RAPGEF3: variants seen among roughly 807,000 people sequenced by gnomAD.
RAPGEF3 encodes Rap guanine nucleotide exchange factor 3, also known as 9330170P05Rik.
RAPGEF3 carries 103 observed loss-of-function variants against 129.8 expected under a neutral mutation model. The observed-to-expected ratio is 0.79, with a 90% CI of 0.68 to 0.93. RAPGEF3 has a LOEUF of 0.93. Ranked by LOEUF, RAPGEF3 falls within the 40% of genes least tolerant of loss-of-function variation. The pLI is 0.00. For synonymous variants in RAPGEF3, 436 were observed against 482.6 expected (o/e 0.90, Z 1.26); for missense variants, 1,117 against 1,207.4 (o/e 0.93, Z 1.11).
chr12:47,748,176 G>A (rs760816770), intron 12 of RAPGEF3, 24 bp from the exon 13 acceptor site: 4 of 1,537,456 alleles, frequency 2.6e-6, no homozygotes, highest in Non-Finnish European at 3.5e-6. Flanking sequence ...TGAGGGGATG[G>A]GAGGAGGCTT....
At chr12:47,741,656 C>T in intron 18 of RAPGEF3, 54 bp from the exon 19 acceptor site, 1 of 1,438,512 alleles carries the variant, frequency 7.0e-7, no homozygotes, top group Middle Eastern at 1.8e-4. Context: ...GGCCGGGGAC[C>T]AGCTGGATGC....
chr12:47,743,921 G>A (rs1053551158), intron 17 of RAPGEF3, 66 bp downstream of exon 17: 21 of 1,502,566 alleles, frequency 1.4e-5, no homozygotes, highest in Admixed American at 3.4e-5. Flanking sequence ...ACGACAGCAG[G>A]ACAAGAGAGG....
chr12:47,738,174 C>A lies in RAPGEF3; in HGVS notation c.2581+19G>T. 6.2e-7 allele frequency: 1 copy of A among 1,613,794 alleles called. No homozygotes were observed. The highest frequency in any genetic ancestry group is 2.2e-5 in the East Asian group (1 of 44,868). On this transcript the variant is annotated intron_variant, in intron 26 of 27. Transcript: ENST00000449771. ...ATGTAGGGTGGGGGACCTCCCACCC[C>A]GGGGACCCGCCCTCTCACCAGGGTT... is the stretch of plus-strand genomic sequence containing the variant.
At chr12:47,743,311 G>C (rs1421369056) in intron 18 of RAPGEF3, among the ~76,000 whole-genome samples, 1 of 152,242 alleles carries the variant, frequency 6.6e-6, no homozygotes, top group Non-Finnish European at 1.5e-5. Context: ...CTAAAGGGCT[G>C]GTGCCGAATG....
intron 3 of RAPGEF3, 38 bp from the exon 4 acceptor site, chr12:47,751,867 A>G: frequency 6.2e-7 from 1 of 1,613,728 alleles, no homozygotes; most frequent in South Asian, 1.1e-5. Context: ...CAGGCTCTGA[A>G]CCCCTCATGG....
intron 4 of RAPGEF3, 99 bp downstream of exon 4, chr12:47,751,624 C>A: frequency 6.3e-7 from 1 of 1,599,190 alleles, no homozygotes; most frequent in Non-Finnish European, 8.6e-7. Context: ...CTGGTTCGTC[C>A]CTGTGCTAGA....
chr12:47,747,826 C>A lies in RAPGEF3; in HGVS notation c.1359G>T (p.Glu453Asp). The change falls in exon 14 of 28, where the codon GAG becomes GAT. Residue 453 changes from glutamate to aspartate, a missense_variant. This residue lies in a region of RAPGEF3 where 643 missense variants were observed against 673.4 expected (regional missense o/e 0.95). Coordinates refer to ENST00000449771, the MANE Select transcript of RAPGEF3 (RefSeq NM_001098531.4). ...TCTTGTTGCAGACGTAGGTGCTGCG[C>A]TCCTGCTCGCTGCCACCCGCAGGCT... is the stretch of plus-strand genomic sequence containing the variant. ...HVEPAGGSEQ[E>D]RSTYVCNKRQ... 1 of 1,605,168 alleles carries A rather than the reference C, an allele frequency of 6.2e-7. No individual in the cohort carries two copies. The highest frequency in any genetic ancestry group is 8.5e-7 in the Non-Finnish European group (1 of 1,179,966).
intron 19 of RAPGEF3, chr12:47,741,270 C>A (rs1414992309): frequency 5.9e-6 from 4 of 682,880 alleles, no homozygotes; most frequent in Non-Finnish European, 9.7e-6. Context: ...CTAACTAGGG[C>A]AGGTCCTCCT....
At chr12:47,741,341 T>C in intron 19 of RAPGEF3, 164 bp downstream of exon 19, 1 of 722,116 alleles carries the variant, frequency 1.4e-6, no homozygotes, top group Non-Finnish European at 2.3e-6. Flanking sequence ...ATCTTGGGAA[T>C]TCCCCCATCA....
intron 1 of RAPGEF3, 144 bp from the exon 2 acceptor site, chr12:47,758,222 G>A: frequency 7.0e-7 from 1 of 1,437,068 alleles, no homozygotes; most frequent in Non-Finnish European, 9.1e-7. Context: ...AGGAGCTGGG[G>A]GGAGGAACAG....
chr12:47,738,181 C>A lies in RAPGEF3; in HGVS notation c.2581+12G>T, dbSNP rs757761702. On this transcript the variant is annotated intron_variant, in intron 26 of 27. Coordinates refer to ENST00000449771, the MANE Select transcript of RAPGEF3 (RefSeq NM_001098531.4). ...GTGGGGGACCTCCCACCCCGGGGAC[C>A]CGCCCTCTCACCAGGGTTGTGGCTT... 1.1e-5 allele frequency: 18 copies of A among 1,613,698 alleles called. No homozygotes were observed. Among genetic ancestry groups the A allele is most frequent in the Non-Finnish European group, 1.4e-5 (17 of 1,179,948 alleles).
chr12:47,758,455 G>T, intron 1 of RAPGEF3, 96 bp downstream of exon 1: 1 of 1,585,126 alleles, frequency 6.3e-7, no homozygotes, highest in Non-Finnish European at 8.6e-7. Context: ...CCTCAGCCCT[G>T]ACTAACCCTC....
chr12:47,738,676 C>G lies in RAPGEF3; in HGVS notation c.2526+14G>C. ...CCTATGTTAGTAGTGAATGCCTGCTCTCCCTGGACTCACCATCTTCTCAAA... is the reference window on the plus strand; with the variant it reads ...CCTATGTTAGTAGTGAATGCCTGCTGTCCCTGGACTCACCATCTTCTCAAA... On this transcript the variant is annotated intron_variant, in intron 25 of 27. Coordinates refer to ENST00000449771, the MANE Select transcript of RAPGEF3 (RefSeq NM_001098531.4). The G allele has an allele frequency of 6.3e-7, 1 of 1,588,332 alleles. No homozygotes were observed. Among genetic ancestry groups the G allele is most frequent in the Non-Finnish European group, 8.6e-7 (1 of 1,156,578 alleles).
intron 16 of RAPGEF3, chr12:47,745,282 C>G (rs1221820369): frequency 6.6e-6 from 1 of 152,466 alleles, no homozygotes; most frequent in Non-Finnish European, 1.5e-5. Context: ...AGCTCCCGCA[C>G]TCGACTTCAG....
At chr12:47,744,417 G>A (rs1191683889) in intron 16 of RAPGEF3, 1 of 290,998 alleles carries the variant, frequency 3.4e-6, no homozygotes, top group Non-Finnish European at 6.5e-6. Context: ...TACAAGCCAG[G>A]CATTATTCTG....
rs974290766 is a variant in RAPGEF3, at chr12:47,749,730, G to A, written c.894+11C>T. On this transcript the variant is annotated intron_variant, in intron 9 of 27. Transcript: ENST00000449771. This position sits in a 1 kb window ranked among gnomAD's most constrained non-coding sequence, Gnocchi z 4.5. ...CCCAGGGCACTGGGGTGGGGAGGAGGGAGGGCTCACCTTGCCATGGGTCAC... is the reference window on the plus strand; with the variant it reads ...CCCAGGGCACTGGGGTGGGGAGGAGAGAGGGCTCACCTTGCCATGGGTCAC... 2 of 1,614,072 alleles carry A rather than the reference G, an allele frequency of 1.2e-6. No homozygotes were observed. The highest frequency in any genetic ancestry group is 1.3e-5 in the African/African-American group (1 of 75,042).
At chr12:47,752,391 C>T (rs1157739976) in intron 2 of RAPGEF3, among the ~76,000 whole-genome samples, 1 of 152,208 alleles carries the variant, frequency 6.6e-6, no homozygotes, top group Non-Finnish European at 1.5e-5. Flanking sequence ...AACATCCGCT[C>T]CTGGGCTGGG....
At position 47,741,611 on chromosome 12, in the gene RAPGEF3, AC is replaced by A. The variant is rs1272765789; in HGVS notation, c.1826-10del. ...CTGCAGGCCAATGGCATCTGCAAAG[AC>A]AGCAGAGGCGGACTGGGTGGGGGAA... is the stretch of plus-strand genomic sequence containing the variant. On this transcript the variant is annotated splice_polypyrimidine_tract_variant and intron_variant, in intron 18 of 27. Coordinates refer to ENST00000449771, the MANE Select transcript of RAPGEF3 (RefSeq NM_001098531.4). The A allele has an allele frequency of 6.2e-7, 1 of 1,605,188 alleles. No homozygotes were observed. The highest frequency in any genetic ancestry group is 1.1e-5 in the South Asian group (1 of 90,880).
At chr12:47,748,013 T>C in intron 13 of RAPGEF3, 61 bp downstream of exon 13, 1 of 1,550,490 alleles carries the variant, frequency 6.4e-7, no homozygotes, top group Non-Finnish European at 8.8e-7. Context: ...TGAGATTTTC[T>C]CTCAACCCCA....
Sources: allele counts gnomAD v4.1 joint callset (sites outside exome capture counted in the v4.1 genomes callset), GRCh38; gene constraint gnomAD v4.1.1; regional missense constraint gnomAD v4.1.1; non-coding constraint Gnocchi (gnomAD v3.1); transcripts MANE v1.5; gene names NCBI Gene and HGNC (gene_info 2026-07-23, HGNC 2026-07-21).